EIF4H: variants seen among roughly 807,000 people sequenced by gnomAD.
EIF4H encodes Williams-Beuren syndrome chromosome region 1.
EIF4H carries 8 observed loss-of-function variants against 30.6 expected under a neutral mutation model. The observed-to-expected ratio is 0.26, with a 90% confidence interval of 0.15 to 0.47. EIF4H has a LOEUF of 0.47. Among genes scored for constraint, EIF4H ranks in the 20% least tolerant of loss-of-function variants. The probability of loss-of-function intolerance (pLI) is 0.99; values close to 1 mark genes in which losing one functional copy is unlikely to be tolerated. For synonymous variants in EIF4H, 106 were observed against 122.7 expected, an observed-to-expected ratio of 0.86 and a Z score of 0.90; for missense variants, 188 against 339.5, an observed-to-expected ratio of 0.55 and a Z score of 3.51.
At chr7:74,175,934 A>G (rs1800829247) in intron 1 of EIF4H, among the ~76,000 whole-genome samples, 1 of 152,176 alleles carries the variant, frequency 6.6e-6, no homozygotes, top group Non-Finnish European at 1.5e-5. Flanking sequence ...GGTGCCAGGA[A>G]CAATCAGAAG....
chr7:74,192,371 A>G (rs1389665850), intron 5 of EIF4H, among the ~76,000 whole-genome samples: 51 of 152,300 alleles, frequency 3.3e-4, no homozygotes, highest in Non-Finnish European at 1.5e-5. Flanking sequence ...TTTCCCCTAA[A>G]GCAGTGCTCT....
chr7:74,192,675 TTTTTTC>T lies in EIF4H; in HGVS notation c.470-2060_470-2055del, dbSNP rs1248129254. On this transcript the variant is annotated intron_variant, in intron 5 of 6. Coordinates refer to ENST00000265753, the MANE Select transcript of EIF4H (RefSeq NM_022170.2). ...TAACATTGCTTTATGTGACTTTTTT[TTTTTTC>T]TTTTTTTTTTTTTTGAGACAGAGGC... Among the ~76,000 whole-genome samples the T allele has an allele frequency of 7.1e-4, 49 of 69,494 alleles. 3 individuals carry two copies. Among genetic ancestry groups the T allele is most frequent in the African/African-American group, 2.2e-3 (47 of 21,196 alleles). 45.6% of individuals were successfully genotyped at this position (69,494 alleles called of 152,430 possible).
At chr7:74,190,360 TTC>T (rs1801177540) in intron 5 of EIF4H, 54 bp downstream of exon 5, 3 of 1,563,634 alleles carry the variant, frequency 1.9e-6, no homozygotes, top group African/African-American at 1.4e-5. Context: ...CTTGCTGCTG[TTC>T]TCTGTTTCTT....
intron 1 of EIF4H, among the ~76,000 whole-genome samples, chr7:74,174,712 C>T (rs1310773739): frequency 3.9e-5 from 6 of 152,206 alleles, no homozygotes; most frequent in African/African-American, 9.6e-5. Context: ...CTGCCTTGGC[C>T]GCGGCGGCGC....
At chr7:74,188,850 C>T (rs957616316) in intron 2 of EIF4H, among the ~76,000 whole-genome samples, 2 of 152,076 alleles carry the variant, frequency 1.3e-5, no homozygotes, top group Admixed American at 6.6e-5. Flanking sequence ...ACATTGAATC[C>T]ACTTAGGGAG....
At chr7:74,179,031 A>C (rs1393599605) in intron 1 of EIF4H, among the ~76,000 whole-genome samples, 1 of 151,804 alleles carries the variant, frequency 6.6e-6, no homozygotes, top group Non-Finnish European at 1.5e-5. Flanking sequence ...ATGTATACTC[A>C]CATTTTTGGA....
At chr7:74,192,973 C>T (rs1165032100) in intron 5 of EIF4H, among the ~76,000 whole-genome samples, 1 of 152,146 alleles carries the variant, frequency 6.6e-6, no homozygotes, top group Non-Finnish European at 1.5e-5. Flanking sequence ...CCACCACACC[C>T]AGCCTATGTG....
At chr7:74,177,143 T>A (rs1554707783) in intron 1 of EIF4H, among the ~76,000 whole-genome samples, 1 of 152,134 alleles carries the variant, frequency 6.6e-6, no homozygotes, top group Non-Finnish European at 1.5e-5. Context: ...AGAGATGGGT[T>A]TCACTATGTT....
chr7:74,175,586 A>G (rs540945749), intron 1 of EIF4H, among the ~76,000 whole-genome samples: 2 of 152,288 alleles, frequency 1.3e-5, no homozygotes, highest in Admixed American at 6.5e-5. Flanking sequence ...GTGTAGGTGG[A>G]GCTATTGTCA....
chr7:74,187,258 T>A (rs1801106174), intron 1 of EIF4H, among the ~76,000 whole-genome samples: 1 of 152,076 alleles, frequency 6.6e-6, no homozygotes, highest in African/African-American at 2.4e-5. Flanking sequence ...GGTGAAACCC[T>A]GTTTCTACTA....
chr7:74,183,669 A>G (rs1801014798), intron 1 of EIF4H, among the ~76,000 whole-genome samples: 1 of 152,208 alleles, frequency 6.6e-6, no homozygotes. Context: ...GAAAGGTGGC[A>G]GACATTTTAG....
At chr7:74,191,091 G>A in intron 5 of EIF4H, 1 of 498,606 alleles carries the variant, frequency 2.0e-6, no homozygotes, top group Non-Finnish European at 4.0e-6. Flanking sequence ...GGTGAGTATG[G>A]GAGGGACTGG....
chr7:74,192,592 C>T (rs868958599), intron 5 of EIF4H, among the ~76,000 whole-genome samples: 3 of 151,594 alleles, frequency 2.0e-5, no homozygotes, highest in Admixed American at 6.6e-5. Flanking sequence ...TGAATGAGCC[C>T]GTGCGGTGCT....
At chr7:74,175,242 C>T (rs782810102) in intron 1 of EIF4H, among the ~76,000 whole-genome samples, 12 of 152,178 alleles carry the variant, frequency 7.9e-5, no homozygotes, top group Non-Finnish European at 1.3e-4. Flanking sequence ...GAATAGAGAG[C>T]TCATGGTGTT....
intron 1 of EIF4H, 57 bp downstream of exon 1, chr7:74,174,499 C>A: frequency 7.8e-7 from 1 of 1,282,772 alleles, no homozygotes; most frequent in Non-Finnish European, 1.0e-6. Flanking sequence ...GAGTCGGGGC[C>A]GTCAGGGTGG....
At position 74,189,834 on chromosome 7, in the gene EIF4H, C is replaced by T. The variant is rs1801163900; in HGVS notation, c.325C>T (p.Arg109Trp). The change falls in exon 4 of 7, where the codon CGG becomes TGG. Residue 109 changes from arginine (R) to tryptophan (W), a missense_variant. Around this residue, in one of 4 missense-constraint regions of EIF4H, gnomAD observed 52 missense variants for 143.9 expected, o/e 0.36. Coordinates refer to ENST00000265753, the MANE Select transcript of EIF4H (RefSeq NM_022170.2). ...CCTTTATCATTAGCTGTTGGGCGAT[C>T]GGTCACTTCGTGTGGACATTGCAGA... ...LTYDGALLGDRSLRVDIAEGR... is the reference protein window; with the variant it reads ...LTYDGALLGDWSLRVDIAEGR... 1 of 1,614,096 alleles carries T rather than the reference C, an allele frequency of 6.2e-7. No homozygotes were observed.
At position 74,174,364 on chromosome 7, in the gene EIF4H, T is replaced by C. The variant is rs1800785121; in HGVS notation, c.-20T>C. On this transcript the variant is annotated 5_prime_UTR_variant, in exon 1 of 7. Transcript: ENST00000265753. ...GTCCTTCCTCGCTCACCCTGGTTCC[T>C]CTCGGAGCGGAGACGGCAAATGGCG... is the stretch of plus-strand genomic sequence containing the variant. 1.4e-6 allele frequency: 2 copies of C among 1,443,372 alleles called. No individual in the cohort carries two copies. Among genetic ancestry groups the C allele is most frequent in the Non-Finnish European group, 1.8e-6 (2 of 1,083,702 alleles). 89.4% of individuals were successfully genotyped at this position (1,443,372 alleles called of 1,614,324 possible). A position where few individuals can be genotyped will look rare whatever the true frequency, so the allele number is the denominator to read the frequency against.
rs1554709746 is a variant in EIF4H, at chr7:74,190,310, T to A, written c.469+4T>A. The A allele has an allele frequency of 6.2e-7, 1 of 1,613,964 alleles. No homozygotes were observed. Among genetic ancestry groups the A allele is most frequent in the Non-Finnish European group, 8.5e-7 (1 of 1,179,776 alleles). On this transcript the variant is annotated splice_donor_region_variant and intron_variant, in intron 5 of 6. Coordinates refer to ENST00000265753, the MANE Select transcript of EIF4H (RefSeq NM_022170.2). ...TCCCGGGATGACTTCAATTCTGGTA[T>A]CAGTATTTAAAGTATCACCACTTAA...
intron 5 of EIF4H, among the ~76,000 whole-genome samples, chr7:74,190,555 T>G (rs1470466820): frequency 4.6e-5 from 7 of 152,214 alleles, no homozygotes; most frequent in African/African-American, 1.7e-4. Flanking sequence ...CGGGCCTGGG[T>G]CCTTGAGCTC....
Sources: gnomAD v4.1 joint callset for allele counts (sites outside exome capture counted in the v4.1 genomes callset) on GRCh38, gnomAD v4.1.1 for gene constraint, gnomAD v4.1.1 regional missense constraint, MANE v1.5 for transcripts, NCBI Gene and HGNC (gene_info 2026-07-23, HGNC 2026-07-21) for gene names.